Variants in PLD5 observed in about 807,000 individuals in gnomAD.
PLD5 encodes phospholipase D family member 5.
In PLD5, 36 loss-of-function variants were observed where a neutral mutation model predicts 61.1. The observed-to-expected ratio is 0.59, with a 90% confidence interval of 0.45 to 0.78. PLD5 has a LOEUF of 0.78. Ranked by LOEUF, PLD5 falls within the 30% of genes least tolerant of loss-of-function variation. The pLI, the probability that PLD5 is intolerant of heterozygous loss-of-function variation, is 0.00. For missense variants in PLD5, 515 were observed against 644.4 expected (o/e 0.80, Z 2.17); for synonymous variants, 243 against 242.8 (o/e 1.00, Z -0.01).
chr1:242,174,872 G>C (rs1396754805), intron 5 of PLD5, among the ~76,000 whole-genome samples: 1 of 152,050 alleles, frequency 6.6e-6, no homozygotes, highest in Non-Finnish European at 1.5e-5. Context: ...ACATAGGAAG[G>C]GGAACGTCAC....
chr1:242,371,216 C>G (rs1051810893), intron 1 of PLD5, among the ~76,000 whole-genome samples: 1 of 152,116 alleles, frequency 6.6e-6, no homozygotes, highest in Non-Finnish European at 1.5e-5. Context: ...AACACACACA[C>G]GCACACACTT....
intron 1 of PLD5, among the ~76,000 whole-genome samples, chr1:242,436,726 T>A (rs1402683371): frequency 6.6e-6 from 1 of 152,226 alleles, no homozygotes; most frequent in Non-Finnish European, 1.5e-5. Context: ...TTGCTTTAAG[T>A]TCTAGTTGGC....
intron 5 of PLD5, among the ~76,000 whole-genome samples, chr1:242,128,665 C>T (rs549113808): frequency 6.6e-6 from 1 of 152,240 alleles, no homozygotes; most frequent in South Asian, 2.1e-4. Flanking sequence ...TGAAAACTGA[C>T]ACCCAGAAGG....
chr1:242,167,977 G>C (rs1666450254), intron 5 of PLD5, among the ~76,000 whole-genome samples: 1 of 152,184 alleles, frequency 6.6e-6, no homozygotes, highest in Non-Finnish European at 1.5e-5. Context: ...AATATACTGA[G>C]CAAGTATTTT....
intron 1 of PLD5, among the ~76,000 whole-genome samples, chr1:242,486,191 C>A (rs1024194729): frequency 6.6e-6 from 1 of 152,074 alleles, no homozygotes; most frequent in African/African-American, 2.4e-5. Flanking sequence ...AAAGCAATGG[C>A]AACAAAAGAC....
intron 3 of PLD5, among the ~76,000 whole-genome samples, chr1:242,268,541 T>G (rs1460756910): frequency 6.6e-6 from 1 of 152,226 alleles, no homozygotes; most frequent in African/African-American, 2.4e-5. Flanking sequence ...CTACAGATAC[T>G]GGCAGACTGT....
At chr1:242,212,161 C>A (rs1220689589) in intron 5 of PLD5, among the ~76,000 whole-genome samples, 2 of 152,116 alleles carry the variant, frequency 1.3e-5, no homozygotes, top group Non-Finnish European at 2.9e-5. Context: ...TTCCCTCAGC[C>A]CCGATATCAC....
upstream of PLD5, among the ~76,000 whole-genome samples, chr1:242,527,114 C>CTTT (rs530334746): frequency 5.6e-3 from 405 of 71,960 alleles, 36 homozygotes; most frequent in Middle Eastern, 8.9e-3. Context: ...CTATCTCCTT[C>CTTT]TTTTTTTTTT....
At chr1:242,231,723 C>A (rs890841330) in intron 4 of PLD5, among the ~76,000 whole-genome samples, 5 of 151,968 alleles carry the variant, frequency 3.3e-5, no homozygotes, top group African/African-American at 1.2e-4. Context: ...AAATCCAAAA[C>A]AATAATTCAA....
chr1:242,100,467 C>T (rs1660595165), intron 9 of PLD5, among the ~76,000 whole-genome samples: 1 of 152,194 alleles, frequency 6.6e-6, no homozygotes, highest in Non-Finnish European at 1.5e-5. Flanking sequence ...TCTTCTAGTA[C>T]ATAAATCAGG....
chr1:242,272,777 C>T (rs1489574346), intron 3 of PLD5, among the ~76,000 whole-genome samples: 1 of 151,924 alleles, frequency 6.6e-6, no homozygotes, highest in Non-Finnish European at 1.5e-5. Flanking sequence ...CCATAAATAC[C>T]TTCAGTATTA....
At chr1:242,451,128 G>A (rs2102923763) in intron 1 of PLD5, among the ~76,000 whole-genome samples, 1 of 152,146 alleles carries the variant, frequency 6.6e-6, no homozygotes, top group East Asian at 1.9e-4. Context: ...GTGTGACCAG[G>A]AAAAAAAGCA....
intron 2 of PLD5, among the ~76,000 whole-genome samples, chr1:242,330,530 G>T (rs73142775): frequency 6.6e-6 from 1 of 152,156 alleles, no homozygotes; most frequent in African/African-American, 2.4e-5. Flanking sequence ...TTTTTATGCC[G>T]AAGGGCTGTT....
At chr1:242,119,485 T>C (rs989930095) in intron 6 of PLD5, among the ~76,000 whole-genome samples, 4 of 152,192 alleles carry the variant, frequency 2.6e-5, no homozygotes, top group Non-Finnish European at 5.9e-5. Flanking sequence ...TATAAAGAAC[T>C]CTTACAACAC....
At chr1:242,420,166 T>C (rs1219338711) in intron 1 of PLD5, among the ~76,000 whole-genome samples, 1 of 152,184 alleles carries the variant, frequency 6.6e-6, no homozygotes, top group Non-Finnish European at 1.5e-5. Context: ...TACATGATCT[T>C]ATTAATACTC....
At chr1:242,207,790 T>TTATATATTTATATATATTTATATA (rs1669440817) in intron 5 of PLD5, among the ~76,000 whole-genome samples, 18 of 37,824 alleles carry the variant, frequency 4.8e-4, no homozygotes, top group Non-Finnish European at 6.7e-4. Flanking sequence ...ATATTTATAT[T>TTATATATTTATATATATTTATATA]TATATATATT....
Position 242,252,321 on chromosome 1 carries a change from C to T in PLD5, c.607+13016G>A, listed in dbSNP as rs137860785. On this transcript the variant is annotated intron_variant, in intron 4 of 9. Coordinates refer to ENST00000536534, the MANE Select transcript of PLD5 (RefSeq NM_001372062.1). ...AAAGCAGGTGCAATTGGGATGTCCA[C>T]GGAGTCACAGAAGTAAGGGATCTTA... is the stretch of plus-strand genomic sequence containing the variant. Among the ~76,000 whole-genome samples, 313 of 152,294 alleles carry T rather than the reference C, an allele frequency of 2.1e-3. 5 individuals carry two copies. Among genetic ancestry groups the T allele is most frequent in the African/African-American group, 7.0e-3 (292 of 41,550 alleles).
At chr1:242,340,345 G>T (rs72763060) in intron 2 of PLD5, among the ~76,000 whole-genome samples, 2,627 of 152,096 alleles carry the variant, frequency 0.017, 49 homozygotes, top group East Asian at 0.052. Context: ...TTCCAAATTT[G>T]GGAGCAACAC....
chr1:242,163,005 A>ATATC (rs780495905), intron 5 of PLD5, among the ~76,000 whole-genome samples: 1 of 152,170 alleles, frequency 6.6e-6, no homozygotes, highest in Non-Finnish European at 1.5e-5. Context: ...GTTCATACTA[A>ATATC]TATCTACAGG....
Sources: allele counts gnomAD v4.1 joint callset (sites outside exome capture counted in the v4.1 genomes callset), GRCh38; gene constraint gnomAD v4.1.1; transcripts MANE v1.5; gene names NCBI Gene and HGNC (gene_info 2026-07-23, HGNC 2026-07-21).